The following GPC6 variants were observed in gnomAD, a reference collection of about 807,000 sequenced individuals.
The protein encoded by GPC6 is glypican 6, also known as glypican-6.
Under a neutral mutation model 55.2 loss-of-function variants are expected in GPC6, and 14 were observed. The observed-to-expected ratio is 0.25, with a 90% CI of 0.17 to 0.40. GPC6 has a LOEUF of 0.40. Among genes scored for constraint, GPC6 ranks in the 10% least tolerant of loss-of-function variants. GPC6 has a pLI of 1.00. For missense variants in GPC6, 641 were observed against 708.5 expected (o/e 0.90, Z 1.08); for synonymous variants, 278 against 259.6 (o/e 1.07, Z -0.68).
intron 2 of GPC6, among the ~76,000 whole-genome samples, chr13:93,587,076 A>C (rs950107897): frequency 2.0e-5 from 3 of 152,126 alleles, no homozygotes; most frequent in African/African-American, 7.2e-5. Context: ...AAGTGATTTA[A>C]ATTGCTTGCA....
chr13:94,339,746 C>T (rs368628288), intron 6 of GPC6, among the ~76,000 whole-genome samples: 55 of 106,326 alleles, frequency 5.2e-4, no homozygotes, highest in African/African-American at 1.8e-3. Flanking sequence ...AACCTGCATA[C>T]TTTCCTTTTT....
intron 3 of GPC6, among the ~76,000 whole-genome samples, chr13:93,925,068 C>T (rs1232754825): frequency 6.6e-6 from 1 of 152,164 alleles, no homozygotes; most frequent in Non-Finnish European, 1.5e-5. Context: ...AAATATTACA[C>T]ACAGCACAGT....
At chr13:93,802,834 A>C (rs1027648739) in intron 2 of GPC6, among the ~76,000 whole-genome samples, 1 of 152,230 alleles carries the variant, frequency 6.6e-6, no homozygotes, top group Non-Finnish European at 1.5e-5. Flanking sequence ...GAGAGAAATA[A>C]TTCCTAGGAT....
chr13:93,246,964 G>A (rs1012514450), intron 1 of GPC6, among the ~76,000 whole-genome samples: 6 of 150,080 alleles, frequency 4.0e-5, no homozygotes, highest in African/African-American at 1.5e-4. Flanking sequence ...AAAAAACTGT[G>A]ACATTTAAAA....
chr13:93,682,957 G>T (rs115830317), intron 2 of GPC6, among the ~76,000 whole-genome samples: 89 of 152,094 alleles, frequency 5.9e-4, no homozygotes, highest in African/African-American at 2.1e-3. Context: ...AGTGGAGGTT[G>T]CAGTGAGCTA....
intron 2 of GPC6, among the ~76,000 whole-genome samples, chr13:93,770,715 T>C (rs2138891452): frequency 1.3e-5 from 2 of 152,264 alleles, no homozygotes; most frequent in South Asian, 4.1e-4. Context: ...CAACTGCTTT[T>C]TGAAATTTGC....
chr13:93,420,182 G>A (rs138020254), intron 1 of GPC6, among the ~76,000 whole-genome samples: 25 of 152,206 alleles, frequency 1.6e-4, no homozygotes, highest in East Asian at 7.7e-4. Context: ...AGTTTTCACC[G>A]TCCTGATAAA....
In GPC6 at chr13:93,487,358, C is replaced by T. The variant is rs12876147; in HGVS notation, c.161-57905C>T. On this transcript the variant is annotated intron_variant, in intron 1 of 8. Transcript: ENST00000377047. ...AAGCCTAGTTATTTTTCCTAATCTT[C>T]TCCCTTCTCCCATCCTCTACCCTCA... 5.3e-5 allele frequency among the ~76,000 whole-genome samples: 8 copies of T among 152,292 alleles called. No homozygotes were observed. In the East Asian group the frequency reaches 9.7e-4, roughly 18 times the overall value.
chr13:94,380,160 T>C (rs566977791), intron 6 of GPC6, among the ~76,000 whole-genome samples: 1 of 152,304 alleles, frequency 6.6e-6, no homozygotes, highest in African/African-American at 2.4e-5. Context: ...GGTAGGATTG[T>C]AGTACAAAAT....
intron 4 of GPC6, among the ~76,000 whole-genome samples, chr13:94,106,341 C>T (rs1459421082): frequency 6.6e-6 from 1 of 152,160 alleles, no homozygotes; most frequent in Non-Finnish European, 1.5e-5. Flanking sequence ...TTAGTGGTGA[C>T]TTTTTTGAAA....
At chr13:93,282,145 T>C (rs1877972582) in intron 1 of GPC6, among the ~76,000 whole-genome samples, 1 of 152,200 alleles carries the variant, frequency 6.6e-6, no homozygotes, top group Admixed American at 6.5e-5. Flanking sequence ...ATCCAAGTTA[T>C]ATTATTTCTT....
chr13:93,356,147 A>G (rs1880842339), intron 1 of GPC6, among the ~76,000 whole-genome samples: 1 of 152,226 alleles, frequency 6.6e-6, no homozygotes, highest in South Asian at 2.1e-4. Context: ...GAGGTACAGA[A>G]GGAAATTTGG....
At chr13:93,252,537 A>G (rs1278172890) in intron 1 of GPC6, among the ~76,000 whole-genome samples, 2 of 152,094 alleles carry the variant, frequency 1.3e-5, no homozygotes, top group Non-Finnish European at 2.9e-5. Flanking sequence ...TTTTAAATTC[A>G]TTTGCCCTAA....
intron 1 of GPC6, among the ~76,000 whole-genome samples, chr13:93,262,369 A>C (rs1308009051): frequency 6.6e-6 from 1 of 152,206 alleles, no homozygotes; most frequent in Non-Finnish European, 1.5e-5. Context: ...GCCAAGTTAC[A>C]CTTAAGTTTT....
intron 1 of GPC6, among the ~76,000 whole-genome samples, chr13:93,457,911 C>T (rs1878525822): frequency 6.6e-6 from 1 of 152,124 alleles, no homozygotes; most frequent in Non-Finnish European, 1.5e-5. Context: ...AGGTTGTTTT[C>T]CTAGGACTTG....
At chr13:93,925,041 G>T (rs1006105321) in intron 3 of GPC6, among the ~76,000 whole-genome samples, 4 of 152,078 alleles carry the variant, frequency 2.6e-5, no homozygotes, top group African/African-American at 9.7e-5. Flanking sequence ...TATTTAAAAG[G>T]TTATCATTTA....
chr13:93,791,792 C>G (rs1461668371), intron 2 of GPC6, among the ~76,000 whole-genome samples: 1 of 152,156 alleles, frequency 6.6e-6, no homozygotes, highest in African/African-American at 2.4e-5. Flanking sequence ...GAAAAGAGTT[C>G]AAAGTGATTG....
At chr13:93,724,677 T>G (rs1883568201) in intron 2 of GPC6, among the ~76,000 whole-genome samples, 1 of 151,956 alleles carries the variant, frequency 6.6e-6, no homozygotes, top group Non-Finnish European at 1.5e-5. Flanking sequence ...AACACACCTT[T>G]TCTCTAATAT....
intron 6 of GPC6, among the ~76,000 whole-genome samples, chr13:94,339,126 G>A (rs1322011704): frequency 4.0e-5 from 6 of 151,724 alleles, no homozygotes; most frequent in Non-Finnish European, 8.8e-5. Context: ...GTGAAGTGGC[G>A]CAAACACAGC....
Sources: gnomAD v4.1 joint callset for allele counts (sites outside exome capture counted in the v4.1 genomes callset) on GRCh38, gnomAD v4.1.1 for gene constraint, MANE v1.5 for transcripts, NCBI Gene and HGNC (gene_info 2026-07-23, HGNC 2026-07-21) for gene names.